The following LRRTM4 variants were observed in gnomAD, a reference collection of about 807,000 sequenced individuals.
The protein encoded by LRRTM4 is leucine rich repeat transmembrane neuronal 4.
A neutral mutation model predicts 47.6 loss-of-function variants in LRRTM4; 25 were observed. The ratio of observed to expected loss-of-function variants is 0.53; its 90% CI spans 0.38 to 0.73. The LOEUF is 0.73. LRRTM4 is among the 30% of genes least tolerant of loss of function. The pLI, the probability that LRRTM4 is intolerant of heterozygous loss-of-function variation, is 0.00. For synonymous variants in LRRTM4, 311 were observed against 269.5 expected (o/e 1.15, Z -1.51); for missense variants, 638 against 713.4 (o/e 0.89, Z 1.20).
intron 3 of LRRTM4, among the ~76,000 whole-genome samples, chr2:77,481,210 C>T (rs1677690577): frequency 1.3e-5 from 2 of 152,140 alleles, no homozygotes; most frequent in Admixed American, 6.5e-5. Context: ...TGTGTTAGCT[C>T]ATGGAATTCT....
At chr2:77,378,872 A>G (rs1392658911) in intron 3 of LRRTM4, among the ~76,000 whole-genome samples, 2 of 152,142 alleles carry the variant, frequency 1.3e-5, no homozygotes, top group African/African-American at 2.4e-5. Flanking sequence ...GGTTGAGGTG[A>G]CAGTGTTCAC....
intron 3 of LRRTM4, among the ~76,000 whole-genome samples, chr2:76,800,211 G>T (rs1244060670): frequency 6.8e-6 from 1 of 146,802 alleles, no homozygotes; most frequent in African/African-American, 2.6e-5. Flanking sequence ...TATACTACAA[G>T]GCGACAGTGA....
intron 3 of LRRTM4, among the ~76,000 whole-genome samples, chr2:77,164,342 C>G (rs150222295): frequency 6.6e-6 from 1 of 152,148 alleles, no homozygotes; most frequent in Non-Finnish European, 1.5e-5. Flanking sequence ...AGGACTTAGA[C>G]TCCCATACAA....
chr2:77,016,273 C>T (rs1678064454), intron 3 of LRRTM4, among the ~76,000 whole-genome samples: 1 of 151,392 alleles, frequency 6.6e-6, no homozygotes, highest in Non-Finnish European at 1.5e-5. Flanking sequence ...GTAGTCCCAG[C>T]TACTTGGGAG....
intron 3 of LRRTM4, among the ~76,000 whole-genome samples, chr2:77,327,149 G>T (rs548707592): frequency 6.6e-6 from 1 of 152,272 alleles, no homozygotes; most frequent in African/African-American, 2.4e-5. Context: ...AAGGATAGCG[G>T]TCAAGCTAAT....
intron 3 of LRRTM4, among the ~76,000 whole-genome samples, chr2:77,087,175 T>G (rs1488487999): frequency 6.6e-6 from 1 of 152,126 alleles, no homozygotes. Flanking sequence ...GGAAACAACC[T>G]CACAGCATCA....
At chr2:76,764,207 G>T (rs1673366344) in intron 3 of LRRTM4, among the ~76,000 whole-genome samples, 1 of 152,056 alleles carries the variant, frequency 6.6e-6, no homozygotes, top group African/African-American at 2.4e-5. Context: ...TAATCAGAAA[G>T]AAACCAGAAC....
At chr2:76,971,838 C>T (rs944788525) in intron 3 of LRRTM4, among the ~76,000 whole-genome samples, 6 of 151,624 alleles carry the variant, frequency 4.0e-5, no homozygotes, top group South Asian at 2.1e-4. Flanking sequence ...ACAAAATATA[C>T]GGACAAAACA....
Position 77,067,716 on chromosome 2 carries a change from C to CACACACACAA in LRRTM4, c.1552-318801_1552-318800insTTGTGTGTGT, listed in dbSNP as rs1491007033. ...ACACACACACACACACACACACACA[C>CACACACACAA]ATACATATTTCAGGAAAAATGAAGA... On this transcript the variant is annotated intron_variant, in intron 3 of 3. Coordinates refer to ENST00000409884, the MANE Select transcript of LRRTM4 (RefSeq NM_001134745.3). Among the ~76,000 whole-genome samples the CACACACACAA allele has an allele frequency of 3.4e-5, 5 of 147,740 alleles. No individual in the cohort carries two copies. In the East Asian group the frequency reaches 9.8e-4, roughly 29 times the overall value.
chr2:77,476,542 T>C (rs1158494173), intron 3 of LRRTM4, among the ~76,000 whole-genome samples: 2 of 152,048 alleles, frequency 1.3e-5, no homozygotes, highest in African/African-American at 2.4e-5. Context: ...AGAAAATTCA[T>C]AGAATATAAT....
chr2:77,159,287 T>G (rs1456186894), intron 3 of LRRTM4, among the ~76,000 whole-genome samples: 1 of 152,148 alleles, frequency 6.6e-6, no homozygotes, highest in South Asian at 2.1e-4. Context: ...AAACAGTCAG[T>G]TGATGAACAT....
chr2:77,265,474 A>C (rs1676027223), intron 3 of LRRTM4, among the ~76,000 whole-genome samples: 1 of 152,048 alleles, frequency 6.6e-6, no homozygotes, highest in Non-Finnish European at 1.5e-5. Flanking sequence ...CTGTGCTGCC[A>C]TCTTCCAAGT....
At chr2:77,409,693 C>A (rs79764256) in intron 3 of LRRTM4, among the ~76,000 whole-genome samples, 2 of 152,084 alleles carry the variant, frequency 1.3e-5, no homozygotes, top group Non-Finnish European at 2.9e-5. Context: ...AGAAAATATA[C>A]CATGACATTC....
chr2:77,182,857 G>C (rs1224879428), intron 3 of LRRTM4, among the ~76,000 whole-genome samples: 1 of 152,104 alleles, frequency 6.6e-6, no homozygotes, highest in Non-Finnish European at 1.5e-5. Context: ...TTAATAAATG[G>C]TGCTGGGAAA....
intron 3 of LRRTM4, among the ~76,000 whole-genome samples, chr2:76,910,402 C>T (rs568680724): frequency 2.6e-5 from 4 of 151,698 alleles, no homozygotes; most frequent in East Asian, 1.9e-4. Flanking sequence ...TGCTAGATGA[C>T]GAGTTAGTGG....
At chr2:76,929,309 G>A (rs898965641) in intron 3 of LRRTM4, among the ~76,000 whole-genome samples, 2 of 152,100 alleles carry the variant, frequency 1.3e-5, no homozygotes, top group Non-Finnish European at 2.9e-5. Flanking sequence ...GAACCACATC[G>A]AGCCTACAGT....
At chr2:76,797,122 A>G (rs1041026716) in intron 3 of LRRTM4, among the ~76,000 whole-genome samples, 1 of 152,038 alleles carries the variant, frequency 6.6e-6, no homozygotes. Context: ...GAATGCCACA[A>G]AGATACTCCT....
intron 3 of LRRTM4, among the ~76,000 whole-genome samples, chr2:77,332,646 T>A (rs989457284): frequency 6.6e-6 from 1 of 152,288 alleles, no homozygotes; most frequent in Admixed American, 6.5e-5. Flanking sequence ...AAATATATTA[T>A]CTTCTTCAGT....
chr2:77,447,658 CTG>C (rs1263647243), intron 3 of LRRTM4, among the ~76,000 whole-genome samples: 13 of 152,126 alleles, frequency 8.5e-5, no homozygotes, highest in Non-Finnish European at 2.9e-5. Flanking sequence ...ACGTATGCAA[CTG>C]TTAGACTTTT....
Sources: allele counts gnomAD v4.1 joint callset (sites outside exome capture counted in the v4.1 genomes callset), GRCh38; gene constraint gnomAD v4.1.1; transcripts MANE v1.5; gene names NCBI Gene and HGNC (gene_info 2026-07-23, HGNC 2026-07-21).